SRCIN1: variants seen among roughly 807,000 people sequenced by gnomAD.
The protein encoded by SRCIN1 is P130Cas-associated protein.
In SRCIN1, 50 loss-of-function variants were observed where a neutral mutation model predicts 116.2. The observed-to-expected ratio is 0.43, with a 90% CI of 0.34 to 0.54. The LOEUF (loss-of-function observed/expected upper bound fraction) is 0.54, where lower values mean the gene tolerates loss of function less well. SRCIN1 is among the 20% of genes least tolerant of loss of function. The pLI is 0.02. For synonymous variants in SRCIN1, 736 were observed against 750.0 expected, an observed-to-expected ratio of 0.98 and a Z score of 0.30; for missense variants, 1,446 against 1,672.0, an observed-to-expected ratio of 0.86 and a Z score of 2.36.
chr17:38,598,193 A>G lies in SRCIN1; in HGVS notation c.22+7491T>C, dbSNP rs529272451. Among the ~76,000 whole-genome samples, 31 of 152,176 alleles carry G rather than the reference A, an allele frequency of 2.0e-4. 1 individual carries two copies. The South Asian group carries it at 6.2e-3, about 31-fold the overall frequency. ...CTTTCCATGGATAAGGGGGCTGGGG[A>G]CAAGAATGGGGGACTCATCAGGCCA... is the stretch of plus-strand genomic sequence containing the variant. On this transcript the variant is annotated intron_variant, in intron 1 of 18. Transcript: ENST00000617146.
At chr17:38,594,222 G>T (rs141357186) in intron 1 of SRCIN1, among the ~76,000 whole-genome samples, 3 of 152,184 alleles carry the variant, frequency 2.0e-5, no homozygotes, top group Non-Finnish European at 4.4e-5. Flanking sequence ...AAGTCTCTCC[G>T]CGTTCTCCTG....
rs2143192949 is a variant in SRCIN1, at chr17:38,562,442, T to C, written c.835-114A>G. 4.9e-6 allele frequency: 6 copies of C among 1,215,588 alleles called. No individual in the cohort carries two copies. Among genetic ancestry groups the C allele is most frequent in the Non-Finnish European group, 6.5e-6 (6 of 922,708 alleles). 75.3% of individuals were successfully genotyped at this position (1,215,588 alleles called of 1,614,324 possible). ...CGCTTAGGAAGTCCCTTCTGCTCTC[T>C]GCCCTCCCTCCATCCTGCTGCGTCT... is the stretch of plus-strand genomic sequence containing the variant. On this transcript the variant is annotated intron_variant, in intron 6 of 18. Transcript: ENST00000617146. The surrounding 1 kb of genome is among the most constrained non-coding windows in gnomAD (Gnocchi z 4.2).
intron 3 of SRCIN1, among the ~76,000 whole-genome samples, chr17:38,564,519 C>T (rs986681777): frequency 3.3e-5 from 5 of 152,046 alleles, no homozygotes; most frequent in Admixed American, 6.5e-5. Flanking sequence ...CTGGGACACC[C>T]GGCAGGTAAG....
At chr17:38,549,806 C>T (rs937775471) in intron 15 of SRCIN1, among the ~76,000 whole-genome samples, 6 of 152,192 alleles carry the variant, frequency 3.9e-5, no homozygotes, top group African/African-American at 1.4e-4. Flanking sequence ...AGGCCAGCAC[C>T]TCTGCACCTG....
chr17:38,533,505 T>C, intron 18 of SRCIN1, 74 bp from the exon 19 acceptor site: 1 of 1,335,598 alleles, frequency 7.5e-7, no homozygotes, highest in African/African-American at 1.6e-5. Flanking sequence ...GCTGAAGTTT[T>C]AAAAGTGGAA....
In SRCIN1 at chr17:38,551,038, G is replaced by T. The variant is rs766673538; in HGVS notation, c.2962+117C>A. The T allele has an allele frequency of 1.4e-4, 83 of 575,950 alleles. 1 individual carries two copies. The highest frequency in any genetic ancestry group is 2.3e-4 in the Non-Finnish European group (76 of 325,160). 35.7% of individuals were successfully genotyped at this position (575,950 alleles called of 1,614,324 possible). ...CAGCCGATGTCCCAGGGCCTCCCTT[G>T]TGTGGCAGCCCAACCACAATGATCT... On this transcript the variant is annotated intron_variant, in intron 15 of 18. Coordinates refer to ENST00000617146, the MANE Select transcript of SRCIN1 (RefSeq NM_025248.3).
chr17:38,580,479 C>T (rs920480262), intron 1 of SRCIN1, among the ~76,000 whole-genome samples: 1 of 152,254 alleles, frequency 6.6e-6, no homozygotes, highest in African/African-American at 2.4e-5. Context: ...CCCTACACCC[C>T]ATCAGGTGGG....
At chr17:38,574,353 A>G (rs1356470395) in intron 2 of SRCIN1, among the ~76,000 whole-genome samples, 2 of 152,242 alleles carry the variant, frequency 1.3e-5, no homozygotes, top group Admixed American at 1.3e-4. Flanking sequence ...GAAGAGGGGA[A>G]TAAGTTCAGA....
Position 38,568,100 on chromosome 17 carries a change from G to A in SRCIN1, c.345+111C>T. 7.5e-7 allele frequency: 1 copy of A among 1,332,156 alleles called. No homozygotes were observed. The highest frequency in any genetic ancestry group is 1.1e-6 in the Non-Finnish European group (1 of 940,520). 82.5% of individuals were successfully genotyped at this position (1,332,156 alleles called of 1,614,324 possible). On this transcript the variant is annotated intron_variant, in intron 3 of 18. Transcript: ENST00000617146. This position sits in a 1 kb window ranked among gnomAD's most constrained non-coding sequence, Gnocchi z 4.5. ...CCGAGGCCCACCGCCCATACCAGAAGGTGTCCGTGCAGATGCGCACCCCGG... is the reference window on the plus strand; with the variant it reads ...CCGAGGCCCACCGCCCATACCAGAAAGTGTCCGTGCAGATGCGCACCCCGG...
upstream of SRCIN1, among the ~76,000 whole-genome samples, chr17:38,606,385 A>C (rs1418523081): frequency 6.6e-6 from 1 of 151,988 alleles, no homozygotes; most frequent in Non-Finnish European, 1.5e-5. This position sits in a 1 kb window ranked among gnomAD's most constrained non-coding sequence, Gnocchi z 5.2. Flanking sequence ...CCCTTCAGCC[A>C]AGGTGACCGC....
chr17:38,576,965 C>G (rs1907456200), intron 2 of SRCIN1, among the ~76,000 whole-genome samples: 1 of 152,104 alleles, frequency 6.6e-6, no homozygotes, highest in Non-Finnish European at 1.5e-5. Flanking sequence ...CTTTTTCAGT[C>G]AGCTCCCACA....
At chr17:38,553,421 C>A (rs541936367) in intron 11 of SRCIN1, among the ~76,000 whole-genome samples, 2 of 152,304 alleles carry the variant, frequency 1.3e-5, no homozygotes, top group South Asian at 4.1e-4. Flanking sequence ...GCCCGAGTAT[C>A]TCTCATTGTA....
At position 38,604,890 on chromosome 17, in the gene SRCIN1, G is replaced by A. The variant is rs1460892848; in HGVS notation, c.22+794C>T. ...CCCTAGATGCCCTCCCCAGCTGGGGGCGCCCTCCCCTGCCCCCTGGCCTCT... is the reference window on the plus strand; with the variant it reads ...CCCTAGATGCCCTCCCCAGCTGGGGACGCCCTCCCCTGCCCCCTGGCCTCT... On this transcript the variant is annotated intron_variant, in intron 1 of 18. Coordinates refer to ENST00000617146, the MANE Select transcript of SRCIN1 (RefSeq NM_025248.3). This position sits in a 1 kb window ranked among gnomAD's most constrained non-coding sequence, Gnocchi z 4.3. Among the ~76,000 whole-genome samples the A allele has an allele frequency of 7.9e-5, 12 of 151,660 alleles. No homozygotes were observed. The East Asian group carries it at 9.8e-4, about 12-fold the overall frequency.
At chr17:38,553,730 T>C (rs1905600093) in intron 11 of SRCIN1, among the ~76,000 whole-genome samples, 1 of 152,128 alleles carries the variant, frequency 6.6e-6, no homozygotes. Context: ...GATCCCATCA[T>C]CCTGAGGCCT....
Position 38,563,324 on chromosome 17 carries a change from G to C in SRCIN1, c.739C>G (p.Arg247Gly). 1 of 1,569,436 alleles carries C rather than the reference G, an allele frequency of 6.4e-7. No homozygotes were observed. The highest frequency in any genetic ancestry group is 8.6e-7 in the Non-Finnish European group (1 of 1,156,486). Reference sequence around the variant, plus strand: ...AAATCCCCCCCGGTCCACGCCCACCGGACGTCCTCCAGCTCGTAGAAGACG... The same window carrying C: ...AAATCCCCCCCGGTCCACGCCCACCCGACGTCCTCCAGCTCGTAGAAGACG... ...RNVFYELEDV[R>G]DIQDRSIIKI... The change falls in exon 5 of 19, where the codon CGG becomes GGG. Residue 247 changes from arginine (R) to glycine (G), a missense_variant and splice_region_variant. Coordinates refer to ENST00000617146, the MANE Select transcript of SRCIN1 (RefSeq NM_025248.3). The surrounding 1 kb of genome is among the most constrained non-coding windows in gnomAD (Gnocchi z 5.8).
At position 38,566,939 on chromosome 17, in the gene SRCIN1, CTCTCTCTT is replaced by C. The variant is rs370058942; in HGVS notation, c.345+1264_345+1271del. Among the ~76,000 whole-genome samples, 351 of 114,982 alleles carry C rather than the reference CTCTCTCTT, an allele frequency of 3.1e-3. 5 individuals are homozygous for C. The highest frequency in any genetic ancestry group is 0.011 in the African/African-American group (340 of 30,158). 75.4% of individuals were successfully genotyped at this position (114,982 alleles called of 152,430 possible). On this transcript the variant is annotated intron_variant, in intron 3 of 18. Coordinates refer to ENST00000617146, the MANE Select transcript of SRCIN1 (RefSeq NM_025248.3). The stretch of plus-strand genomic sequence containing the variant: ...CTTCCTTCTTTCTTTCCTTCTTTCT[CTCTCTCTT>C]TCTCTCTTTCTTTCTTCTTTTTTTT...
At chr17:38,564,356 C>CA in intron 3 of SRCIN1, 43 bp from the exon 4 acceptor site, 1 of 1,442,036 alleles carries the variant, frequency 6.9e-7, no homozygotes, top group Non-Finnish European at 9.1e-7. Context: ...GGATGAGCAC[C>CA]CCCCCTCCCC....
In SRCIN1 at chr17:38,552,942, G is replaced by A. The variant is rs866750586; in HGVS notation, c.2202-87C>T. 238 of 1,535,652 alleles carry A rather than the reference G, an allele frequency of 1.5e-4. No homozygotes were observed. The African/African-American group carries it at 2.8e-3, about 18-fold the overall frequency. ...AATTGGGCAACTGGAAAGAAATCAGGCCACCAGTTGGATCGAAAGTAAAAG... is the reference window on the plus strand; with the variant it reads ...AATTGGGCAACTGGAAAGAAATCAGACCACCAGTTGGATCGAAAGTAAAAG... On this transcript the variant is annotated intron_variant, in intron 11 of 18. Transcript: ENST00000617146. This position sits in a 1 kb window ranked among gnomAD's most constrained non-coding sequence, Gnocchi z 5.3.
intron 18 of SRCIN1, among the ~76,000 whole-genome samples, chr17:38,538,099 C>A (rs912388827): frequency 2.7e-5 from 4 of 148,986 alleles, no homozygotes; most frequent in African/African-American, 9.9e-5. Flanking sequence ...GGGTCCATCT[C>A]AAAATAAATA....
Sources: allele counts gnomAD v4.1 joint callset (sites outside exome capture counted in the v4.1 genomes callset), GRCh38; gene constraint gnomAD v4.1.1; non-coding constraint Gnocchi (gnomAD v3.1); transcripts MANE v1.5; gene names NCBI Gene and HGNC (gene_info 2026-07-23, HGNC 2026-07-21).